The following NSD3 variants were observed in gnomAD, a reference collection of about 807,000 sequenced individuals.
NSD3 encodes the protein histone-lysine N-methyltransferase NSD3.
In NSD3, 24 loss-of-function variants were observed where a neutral mutation model predicts 160.8. That is an observed-to-expected ratio of 0.15 (90% CI 0.11 to 0.21). The LOEUF is 0.21. Among genes scored for constraint, NSD3 ranks in the 10% least tolerant of loss-of-function variants. The pLI, the probability that NSD3 is intolerant of heterozygous loss-of-function variation, is 1.00. For synonymous variants in NSD3, 520 were observed against 600.0 expected, an observed-to-expected ratio of 0.87 and a Z score of 1.95; for missense variants, 1,157 against 1,735.9, an observed-to-expected ratio of 0.67 and a Z score of 5.93.
At chr8:38,296,366 C>T (rs987182461) in intron 15 of NSD3, among the ~76,000 whole-genome samples, 1 of 152,098 alleles carries the variant, frequency 6.6e-6, no homozygotes, top group Non-Finnish European at 1.5e-5. Context: ...AGCAAGTCAT[C>T]GTTGTATTTT....
chr8:38,369,604 T>C (rs1811189721), intron 1 of NSD3, among the ~76,000 whole-genome samples: 1 of 152,220 alleles, frequency 6.6e-6, no homozygotes, highest in Non-Finnish European at 1.5e-5. Flanking sequence ...CAACTATGTG[T>C]CTGGTACAGT....
chr8:38,358,202 A>G (rs190623628), intron 1 of NSD3, among the ~76,000 whole-genome samples: 3 of 152,324 alleles, frequency 2.0e-5, no homozygotes, highest in African/African-American at 4.8e-5. Context: ...TCTATTTTCC[A>G]AAGTTGTTCT....
intron 1 of NSD3, among the ~76,000 whole-genome samples, chr8:38,362,363 G>A (rs1443501910): frequency 6.9e-6 from 1 of 144,034 alleles, no homozygotes; most frequent in Non-Finnish European, 1.5e-5. Context: ...TTTTTTAATG[G>A]CATGGATTTT....
Position 38,321,549 on chromosome 8 carries a change from C to T in NSD3, c.1709-377G>A, listed in dbSNP as rs1433801028. 6.6e-6 allele frequency among the ~76,000 whole-genome samples: 1 copy of T among 152,198 alleles called. No homozygotes were observed. Among genetic ancestry groups the T allele is most frequent in the African/African-American group, 2.4e-5 (1 of 41,448 alleles). The stretch of plus-strand genomic sequence containing the variant: ...GCATAAAAATAAACTTTATTATCCA[C>T]CTGATGTTAGAAATTATTGGTTCAA... On this transcript the variant is annotated intron_variant, in intron 7 of 23. Transcript: ENST00000317025. This position sits in a 1 kb window ranked among gnomAD's most constrained non-coding sequence, Gnocchi z 4.7.
At chr8:38,277,156 G>A (rs894682395) in intron 22 of NSD3, among the ~76,000 whole-genome samples, 1 of 152,136 alleles carries the variant, frequency 6.6e-6, no homozygotes, top group African/African-American at 2.4e-5. Context: ...TGCCCAGGCT[G>A]GTCTTGAACT....
At chr8:38,331,403 A>G (rs1306154253) in intron 5 of NSD3, 28 bp downstream of exon 5, 2 of 1,550,316 alleles carry the variant, frequency 1.3e-6, no homozygotes, top group South Asian at 2.5e-5. Flanking sequence ...AAACCATACT[A>G]GGTAAATAAT....
Position 38,318,931 on chromosome 8 carries a change from C to A in NSD3, c.1819G>T (p.Val607Phe). ...KKIKKEQVET[V>F]PQATVKTGLQ... is the part of the protein sequence containing the mutation. The stretch of plus-strand genomic sequence containing the variant: ...CCAGTCTTCACTGTAGCCTGAGGAA[C>A]TGTTTCAACCTGTTTGGACAGAAAA... The change falls in exon 9 of 24, where the codon GTT becomes TTT. Residue 607 changes from valine to phenylalanine, a missense_variant. Val to Phe is a conservative substitution (Grantham distance 50). Coordinates refer to ENST00000317025, the MANE Select transcript of NSD3 (RefSeq NM_023034.2). The surrounding 1 kb of genome is among the most constrained non-coding windows in gnomAD (Gnocchi z 5.3). 6.2e-7 allele frequency: 1 copy of A among 1,610,172 alleles called. No individual in the cohort carries two copies. The highest frequency in any genetic ancestry group is 8.5e-7 in the Non-Finnish European group (1 of 1,178,808).
In NSD3 at chr8:38,295,885, C is replaced by A. The variant is rs1286367573; in HGVS notation, c.2826G>T (p.Met942Ile). 1 of 1,614,102 alleles carries A rather than the reference C, an allele frequency of 6.2e-7. No homozygotes were observed. Among genetic ancestry groups the A allele is most frequent in the Admixed American group, 1.7e-5 (1 of 60,014 alleles). ...SFHPECLSIE[M>I]PEGCWNCNDC... ...CATTACAATTCCAGCAGCCTTCTGG[C>A]ATTTCTATGCTTAGGCATTCCGGGT... The change falls in exon 16 of 24, where the codon ATG becomes ATT. Residue 942 changes from methionine (M) to isoleucine (I), a missense_variant. Met to Ile is a conservative substitution (Grantham distance 10, BLOSUM62 1). Coordinates refer to ENST00000317025, the MANE Select transcript of NSD3 (RefSeq NM_023034.2).
At chr8:38,344,916 TAAAAC>T (rs2150382297) in intron 2 of NSD3, among the ~76,000 whole-genome samples, 1 of 152,242 alleles carries the variant, frequency 6.6e-6, no homozygotes, top group Non-Finnish European at 1.5e-5. Context: ...TTAAAACACT[TAAAAC>T]AACTGTCCTG....
intron 4 of NSD3, among the ~76,000 whole-genome samples, chr8:38,335,243 C>T (rs1810188071): frequency 6.6e-6 from 1 of 152,200 alleles, no homozygotes; most frequent in Non-Finnish European, 1.5e-5. Context: ...CCACCTTGGC[C>T]TCCCAAAGTG....
rs192210621 is a variant in NSD3 at position 38,360,195 on chromosome 8, C to T, written c.-44-11980G>A. Among the ~76,000 whole-genome samples, 8 of 152,158 alleles carry T rather than the reference C, an allele frequency of 5.3e-5. No individual in the cohort carries two copies. In the South Asian group the frequency reaches 1.2e-3, roughly 24 times the overall value. ...AATTTGTTGTAGAGACAGGGTTTTG[C>T]CATGTTGCCCAGGCTGGTCTTGAAC... is the stretch of plus-strand genomic sequence containing the variant. On this transcript the variant is annotated intron_variant, in intron 1 of 23. Coordinates refer to ENST00000317025, the MANE Select transcript of NSD3 (RefSeq NM_023034.2).
intron 1 of NSD3, among the ~76,000 whole-genome samples, chr8:38,375,220 G>T (rs10107763): frequency 0.22 from 33,821 of 151,870 alleles, 4,009 homozygotes; most frequent in East Asian, 0.31. Flanking sequence ...CTAGTCACTT[G>T]CTCTAAGTAG....
Position 38,317,103 on chromosome 8 carries a change from G to A in NSD3, c.1856-1061C>T, listed in dbSNP as rs982076840. 2.8e-6 allele frequency: 3 copies of A among 1,061,866 alleles called. No homozygotes were observed. The highest frequency in any genetic ancestry group is 1.1e-4 in the Admixed American group (2 of 18,622). 65.8% of individuals were successfully genotyped at this position (1,061,866 alleles called of 1,614,324 possible). A position where few individuals can be genotyped will look rare whatever the true frequency, so the allele number is the denominator to read the frequency against. On this transcript the variant is annotated intron_variant, in intron 9 of 23. Transcript: ENST00000317025. The surrounding 1 kb of genome is among the most constrained non-coding windows in gnomAD (Gnocchi z 5.3). ...TCCAGAAGAGCCCATGGAGAAACAA[G>A]TCTCCTGAGGCCATGAAGATCCGCA...
chr8:38,284,036 A>C (rs1808797412), intron 19 of NSD3, among the ~76,000 whole-genome samples: 1 of 152,124 alleles, frequency 6.6e-6, no homozygotes. Context: ...CCGAGAGTTC[A>C]AGGCTGCAGC....
intron 1 of NSD3, among the ~76,000 whole-genome samples, chr8:38,374,736 G>T (rs1390334704): frequency 6.6e-6 from 1 of 152,206 alleles, no homozygotes; most frequent in African/African-American, 2.4e-5. Flanking sequence ...TGGGCGCAGT[G>T]GCTCACGCCT....
intron 1 of NSD3, among the ~76,000 whole-genome samples, chr8:38,369,270 A>G (rs142603221): frequency 6.1e-4 from 93 of 152,314 alleles, no homozygotes; most frequent in African/African-American, 2.1e-3. Flanking sequence ...CAAATTTCAC[A>G]TCACCTGTTT....
Position 38,318,834 on chromosome 8 carries a change from T to C in NSD3, c.1855+61A>G, listed in dbSNP as rs1809730955. The C allele has an allele frequency of 6.7e-7, 1 of 1,498,226 alleles. No homozygotes were observed. The highest frequency in any genetic ancestry group is 9.2e-7 in the Non-Finnish European group (1 of 1,085,346). The allele number at this position is 1,498,226 out of a possible 1,614,324, so 92.8% of individuals were successfully genotyped here. A position where few individuals can be genotyped will look rare whatever the true frequency, so the allele number is the denominator to read the frequency against. ...CAGACAAAAATACATGAAGTACAAA[T>C]AATTCTTAAAAATTGGTTTTAATCA... On this transcript the variant is annotated intron_variant, in intron 9 of 23. Coordinates refer to ENST00000317025, the MANE Select transcript of NSD3 (RefSeq NM_023034.2). This position sits in a 1 kb window ranked among gnomAD's most constrained non-coding sequence, Gnocchi z 5.3.
intron 5 of NSD3, among the ~76,000 whole-genome samples, chr8:38,330,363 G>C (rs1810028566): frequency 6.6e-6 from 1 of 152,140 alleles, no homozygotes; most frequent in African/African-American, 2.4e-5. Flanking sequence ...AATGCATGCA[G>C]GGACAGAATG....
At position 38,317,798 on chromosome 8, in the gene NSD3, C is replaced by T. The variant is rs1809705350; in HGVS notation, c.1855+1097G>A. 1 of 1,442,196 alleles carries T rather than the reference C, an allele frequency of 6.9e-7. No individual in the cohort carries two copies. The highest frequency in any genetic ancestry group is 9.1e-7 in the Non-Finnish European group (1 of 1,101,290). 89.3% of individuals were successfully genotyped at this position (1,442,196 alleles called of 1,614,324 possible). A position where few individuals can be genotyped will look rare whatever the true frequency, so the allele number is the denominator to read the frequency against. On this transcript the variant is annotated intron_variant, in intron 9 of 23. Transcript: ENST00000317025. This position sits in a 1 kb window ranked among gnomAD's most constrained non-coding sequence, Gnocchi z 5.3. ...TCATTTGACTGTTAAAGCAATTGTT[C>T]AGAGTCTTGAAGAAGAAACCAGGCA...
Sources: allele counts gnomAD v4.1 joint callset (sites outside exome capture counted in the v4.1 genomes callset), GRCh38; gene constraint gnomAD v4.1.1; non-coding constraint Gnocchi (gnomAD v3.1); transcripts MANE v1.5; gene names NCBI Gene and HGNC (gene_info 2026-07-23, HGNC 2026-07-21).